KCND2: variants seen among roughly 807,000 people sequenced by gnomAD.
The protein encoded by KCND2 is potassium voltage-gated channel subfamily D member 2.
A neutral mutation model predicts 54.4 loss-of-function variants in KCND2; 16 were observed. That is an observed-to-expected ratio of 0.29 (90% CI 0.20 to 0.45). KCND2 has a LOEUF of 0.45. Among genes scored for constraint, KCND2 ranks in the 20% least tolerant of loss-of-function variants. The pLI, the probability that KCND2 is intolerant of heterozygous loss-of-function variation, is 1.00. For synonymous variants in KCND2, 317 were observed against 310.7 expected, an observed-to-expected ratio of 1.02 and a Z score of -0.21; for missense variants, 486 against 824.2, an observed-to-expected ratio of 0.59 and a Z score of 5.02.
chr7:120,488,538 G>A (rs1368804510), intron 1 of KCND2, among the ~76,000 whole-genome samples: 1 of 152,056 alleles, frequency 6.6e-6, no homozygotes, highest in Non-Finnish European at 1.5e-5. Flanking sequence ...TGCAAAATGT[G>A]TAAGTGTACA....
intron 1 of KCND2, among the ~76,000 whole-genome samples, chr7:120,686,861 T>G (rs1792208439): frequency 6.6e-6 from 1 of 152,186 alleles, no homozygotes; most frequent in East Asian, 1.9e-4. Context: ...ACCCAGCTCC[T>G]GAGATCTTAT....
chr7:120,364,828 G>A (rs10241802), intron 1 of KCND2, among the ~76,000 whole-genome samples: 9,729 of 152,056 alleles, frequency 0.064, 1,049 homozygotes, highest in African/African-American at 0.22. Context: ...TTTCTTGCCC[G>A]TCAGACTTAG....
At chr7:120,446,471 T>C (rs1461210452) in intron 1 of KCND2, among the ~76,000 whole-genome samples, 1 of 152,104 alleles carries the variant, frequency 6.6e-6, no homozygotes, top group Non-Finnish European at 1.5e-5. Flanking sequence ...ATTATTCTCT[T>C]TTTGTTTCAG....
At chr7:120,469,016 TACACAC>T (rs3067129) in intron 1 of KCND2, among the ~76,000 whole-genome samples, 1 of 150,020 alleles carries the variant, frequency 6.7e-6, no homozygotes, top group African/African-American at 2.4e-5. Flanking sequence ...ATGGTGTGGA[TACACAC>T]ACACACACAC....
chr7:120,741,898 G>A (rs1321638632), intron 3 of KCND2, among the ~76,000 whole-genome samples: 1 of 151,692 alleles, frequency 6.6e-6, no homozygotes. Flanking sequence ...TATTAACATG[G>A]TAAAGGTAAA....
intron 1 of KCND2, among the ~76,000 whole-genome samples, chr7:120,402,520 T>G (rs1801279047): frequency 6.6e-6 from 1 of 152,202 alleles, no homozygotes; most frequent in Non-Finnish European, 1.5e-5. Flanking sequence ...CAGTATCAAG[T>G]CAGTTACACT....
chr7:120,531,297 T>A (rs998479156), intron 1 of KCND2, among the ~76,000 whole-genome samples: 28 of 152,144 alleles, frequency 1.8e-4, no homozygotes, highest in Admixed American at 1.6e-3. Context: ...AAGTTTATAA[T>A]TCTTCCACCA....
At chr7:120,705,553 T>C (rs1792457355) in intron 1 of KCND2, among the ~76,000 whole-genome samples, 1 of 152,144 alleles carries the variant, frequency 6.6e-6, no homozygotes, top group African/African-American at 2.4e-5. Flanking sequence ...GAGAATGTTA[T>C]GAAGATTAGA....
At chr7:120,422,402 A>C (rs1236185411) in intron 1 of KCND2, among the ~76,000 whole-genome samples, 1 of 152,138 alleles carries the variant, frequency 6.6e-6, no homozygotes, top group East Asian at 1.9e-4. Flanking sequence ...AGATTGGCGA[A>C]GTCCTCCTCT....
intron 1 of KCND2, among the ~76,000 whole-genome samples, chr7:120,310,439 T>G (rs549098005): frequency 6.6e-6 from 1 of 152,308 alleles, no homozygotes; most frequent in Non-Finnish European, 1.5e-5. Flanking sequence ...TTTCTTTTAT[T>G]AAGATAATTG....
At chr7:120,295,054 A>C (rs1799488616) in intron 1 of KCND2, among the ~76,000 whole-genome samples, 2 of 151,826 alleles carry the variant, frequency 1.3e-5, no homozygotes, top group African/African-American at 4.8e-5. Context: ...ACAGTATTTT[A>C]TTTATAAAGG....
chr7:120,717,396 G>C (rs143096211), intron 1 of KCND2, among the ~76,000 whole-genome samples: 2 of 152,102 alleles, frequency 1.3e-5, no homozygotes, highest in African/African-American at 4.8e-5. Flanking sequence ...ATTCTATTTA[G>C]AAGTGCACGT....
chr7:120,339,993 G>A (rs1800217494), intron 1 of KCND2, among the ~76,000 whole-genome samples: 1 of 152,164 alleles, frequency 6.6e-6, no homozygotes, highest in Non-Finnish European at 1.5e-5. Context: ...AGTGAATGAG[G>A]GAGCCATTAG....
intron 1 of KCND2, among the ~76,000 whole-genome samples, chr7:120,443,201 C>T (rs561841945): frequency 1.7e-4 from 26 of 152,068 alleles, no homozygotes; most frequent in African/African-American, 6.3e-4. Context: ...TCCCTCAAGG[C>T]AAAGTTACTG....
At chr7:120,599,702 TG>T (rs570692878) in intron 1 of KCND2, among the ~76,000 whole-genome samples, 13 of 152,158 alleles carry the variant, frequency 8.5e-5, no homozygotes, top group Middle Eastern at 6.8e-3. Flanking sequence ...ATAGCTTTTT[TG>T]TAGATTTTTG....
At chr7:120,318,948 A>G (rs979091311) in intron 1 of KCND2, among the ~76,000 whole-genome samples, 20 of 152,074 alleles carry the variant, frequency 1.3e-4, no homozygotes, top group African/African-American at 4.8e-4. Flanking sequence ...TAAACTTCAA[A>G]TATTGTAAAG....
intron 4 of KCND2, 126 bp downstream of exon 4, chr7:120,742,728 A>G: frequency 1.3e-6 from 1 of 750,948 alleles, no homozygotes; most frequent in Middle Eastern, 2.4e-4. Flanking sequence ...TAAAAAACAA[A>G]CAAACCAAAA....
At chr7:120,699,104 C>G (rs1043373055) in intron 1 of KCND2, among the ~76,000 whole-genome samples, 1 of 151,880 alleles carries the variant, frequency 6.6e-6, no homozygotes, top group Admixed American at 6.6e-5. Context: ...CACAGTGAAA[C>G]CCTGTCTCCA....
chr7:120,562,077 G>C (rs2116411843), intron 1 of KCND2, among the ~76,000 whole-genome samples: 1 of 152,272 alleles, frequency 6.6e-6, no homozygotes, highest in South Asian at 2.1e-4. Flanking sequence ...TAATGAGTCA[G>C]CATTTGTAAA....
Sources: gnomAD v4.1 joint callset for allele counts (sites outside exome capture counted in the v4.1 genomes callset) on GRCh38, gnomAD v4.1.1 for gene constraint, MANE v1.5 for transcripts, NCBI Gene and HGNC (gene_info 2026-07-23, HGNC 2026-07-21) for gene names.